ADARB1: variants seen among roughly 807,000 people sequenced by gnomAD.
ADARB1 encodes the protein double-stranded RNA-specific editase 1.
ADARB1 carries 10 observed loss-of-function variants against 52.4 expected under a neutral mutation model. That is an observed-to-expected ratio of 0.19 (90% CI 0.12 to 0.32). ADARB1 has a LOEUF of 0.32. Among genes scored for constraint, ADARB1 ranks in the 10% least tolerant of loss-of-function variants. The pLI, the probability that ADARB1 is intolerant of heterozygous loss-of-function variation, is 1.00. For missense variants in ADARB1, 643 were observed against 922.3 expected, an observed-to-expected ratio of 0.70 and a Z score of 3.92; for synonymous variants, 349 against 371.1, an observed-to-expected ratio of 0.94 and a Z score of 0.68.
intron 9 of ADARB1, among the ~76,000 whole-genome samples, chr21:45,213,760 C>G (rs1392003679): frequency 2.0e-5 from 3 of 147,616 alleles, no homozygotes; most frequent in Admixed American, 6.6e-5. Context: ...TAGCATTGCA[C>G]TGGGTGGATA....
At position 45,197,414 on chromosome 21, in the gene ADARB1, C is replaced by T. The variant is rs186336685; in HGVS notation, c.1566-7141C>T. On this transcript the variant is annotated intron_variant, in intron 8 of 10. Coordinates refer to ENST00000348831, the MANE Select transcript of ADARB1 (RefSeq NM_001112.4). ...ACTCAGGAGGCTGAGGCAGGAGTAT[C>T]GCTTAAACCTGGGAGGTAGAGGTTG... Among the ~76,000 whole-genome samples, 315 of 151,688 alleles carry T rather than the reference C, an allele frequency of 2.1e-3. 2 individuals carry two copies. Among genetic ancestry groups the T allele is most frequent in the African/African-American group, 6.8e-3 (281 of 41,284 alleles).
intron 2 of ADARB1, among the ~76,000 whole-genome samples, chr21:45,162,811 C>T (rs2091045466): frequency 6.6e-6 from 1 of 152,252 alleles, no homozygotes; most frequent in African/African-American, 2.4e-5. Flanking sequence ...CAGCACCAGA[C>T]ACTTCAGACC....
At chr21:45,134,478 G>T (rs965911998) in intron 2 of ADARB1, among the ~76,000 whole-genome samples, 1 of 151,750 alleles carries the variant, frequency 6.6e-6, no homozygotes, top group Non-Finnish European at 1.5e-5. Flanking sequence ...GTGAGCGCCC[G>T]GCAGGGGTAC....
At chr21:45,211,702 A>G (rs1401806170) in intron 9 of ADARB1, among the ~76,000 whole-genome samples, 1 of 152,204 alleles carries the variant, frequency 6.6e-6, no homozygotes, top group Non-Finnish European at 1.5e-5. Flanking sequence ...AAAAGTTCTG[A>G]TTCAGCACAC....
chr21:45,076,238 T>C (rs538830086), intron 1 of ADARB1, among the ~76,000 whole-genome samples: 3 of 152,334 alleles, frequency 2.0e-5, no homozygotes, highest in African/African-American at 7.2e-5. Context: ...CCTTCTTGGA[T>C]AAGAGAATTA....
chr21:45,084,240 G>T (rs2086256005), intron 1 of ADARB1, among the ~76,000 whole-genome samples: 1 of 152,178 alleles, frequency 6.6e-6, no homozygotes, highest in Non-Finnish European at 1.5e-5. Flanking sequence ...TCATTCAGTT[G>T]TCCAATAAAT....
rs943111469 is a variant in ADARB1 at position 45,103,194 on chromosome 21, G to A, written c.-219-25208G>A. On this transcript the variant is annotated intron_variant, in intron 1 of 10. Coordinates refer to ENST00000348831, the MANE Select transcript of ADARB1 (RefSeq NM_001112.4). ...GGGATCCTGGACGACTGAATCTGAC[G>A]AAAGTGTGGATTTCAGTTAATAACA... Among the ~76,000 whole-genome samples the A allele has an allele frequency of 9.3e-4, 141 of 152,232 alleles. 1 individual carries two copies. Among genetic ancestry groups the A allele is most frequent in the African/African-American group, 3.1e-3 (130 of 41,514 alleles).
intron 1 of ADARB1, among the ~76,000 whole-genome samples, chr21:45,105,617 A>G (rs568223051): frequency 6.6e-6 from 1 of 152,348 alleles, no homozygotes; most frequent in African/African-American, 2.4e-5. Context: ...ATAAGGAATT[A>G]TTTTGAACAC....
chr21:45,169,703 A>G (rs1163339277), intron 2 of ADARB1, among the ~76,000 whole-genome samples: 2 of 152,250 alleles, frequency 1.3e-5, no homozygotes, highest in Non-Finnish European at 2.9e-5. Flanking sequence ...GTTTCAGCCA[A>G]TAAGAACAGA....
rs1423743665 is a variant in ADARB1 at position 45,167,200 on chromosome 21, G to A, written c.-47-4410G>A. On this transcript the variant is annotated intron_variant, in intron 2 of 10. Coordinates refer to ENST00000348831, the MANE Select transcript of ADARB1 (RefSeq NM_001112.4). ...ACTCGGCATGACTATTTTCTACTGC[G>A]AGACATTTTCCATGTCCTTTTAAAA... is the stretch of plus-strand genomic sequence containing the variant. 5.3e-5 allele frequency among the ~76,000 whole-genome samples: 8 copies of A among 152,314 alleles called. No individual in the cohort carries two copies. The South Asian group carries it at 8.3e-4, about 16-fold the overall frequency.
intron 1 of ADARB1, among the ~76,000 whole-genome samples, chr21:45,087,889 ATAG>A (rs1424346167): frequency 2.0e-5 from 3 of 152,178 alleles, no homozygotes; most frequent in East Asian, 3.9e-4. Flanking sequence ...ACTGTACAAA[ATAG>A]TAGTAAATTT....
At position 45,187,325 on chromosome 21, in the gene ADARB1, G is replaced by C. The variant is rs938883307; in HGVS notation, c.1565+2234G>C. ...TCCCTTTTCAGATCATTCATTGTTAGTGCATGGAAATGCAACTGATTTTTG... is the reference window on the plus strand; with the variant it reads ...TCCCTTTTCAGATCATTCATTGTTACTGCATGGAAATGCAACTGATTTTTG... On this transcript the variant is annotated intron_variant, in intron 8 of 10. Coordinates refer to ENST00000348831, the MANE Select transcript of ADARB1 (RefSeq NM_001112.4). 2.6e-5 allele frequency among the ~76,000 whole-genome samples: 4 copies of C among 152,196 alleles called. 1 individual carries two copies. The highest frequency in any genetic ancestry group is 3.4e-3 in the Middle Eastern group (1 of 294).
rs574681128 is a variant in ADARB1 at position 45,179,142 on chromosome 21, C to T, written c.964-1188C>T. ...TTCCCTCTGGCACCCTGGCCACGTC[C>T]TGTGTTTCTGTCACAGCCTCAGTTC... is the stretch of plus-strand genomic sequence containing the variant. On this transcript the variant is annotated intron_variant, in intron 4 of 10. Coordinates refer to ENST00000348831, the MANE Select transcript of ADARB1 (RefSeq NM_001112.4). Among the ~76,000 whole-genome samples the T allele has an allele frequency of 1.2e-4, 19 of 152,308 alleles. No individual in the cohort carries two copies. In the East Asian group the frequency reaches 3.7e-3, roughly 29 times the overall value.
At chr21:45,161,151 A>G (rs2090940964) in intron 2 of ADARB1, among the ~76,000 whole-genome samples, 2 of 152,144 alleles carry the variant, frequency 1.3e-5, no homozygotes, top group Admixed American at 1.3e-4. Flanking sequence ...CCGTGGTGTC[A>G]GCTGCAGCGG....
chr21:45,186,152 A>G (rs1440842802), intron 8 of ADARB1, among the ~76,000 whole-genome samples: 3 of 152,202 alleles, frequency 2.0e-5, no homozygotes, highest in East Asian at 3.8e-4. Flanking sequence ...CAATAGAATT[A>G]TTTGGAGTAT....
intron 8 of ADARB1, among the ~76,000 whole-genome samples, chr21:45,197,576 A>T (rs984028313): frequency 6.6e-6 from 1 of 152,208 alleles, no homozygotes; most frequent in Admixed American, 6.5e-5. Flanking sequence ...TACCAAAGAG[A>T]AATGAAAGCG....
intron 8 of ADARB1, among the ~76,000 whole-genome samples, chr21:45,189,908 A>G (rs1369464766): frequency 1.3e-5 from 2 of 152,258 alleles, no homozygotes; most frequent in Admixed American, 6.5e-5. Flanking sequence ...TTTGATTAAA[A>G]TGTGTCTTAG....
chr21:45,078,801 T>TA lies in ADARB1; in HGVS notation c.-220+4009dup, dbSNP rs967318773. On this transcript the variant is annotated intron_variant, in intron 1 of 10. Transcript: ENST00000348831. ...CATGATCTGATTTATCTTTAAAAAG[T>TA]ACCACTCTGGCTGTTGGGCTTACAA... 1.9e-4 allele frequency among the ~76,000 whole-genome samples: 29 copies of TA among 152,230 alleles called. 1 individual carries two copies. The highest frequency in any genetic ancestry group is 1.8e-3 in the Admixed American group (27 of 15,286).
intron 8 of ADARB1, among the ~76,000 whole-genome samples, chr21:45,194,879 T>C (rs1442141945): frequency 6.6e-6 from 1 of 152,234 alleles, no homozygotes; most frequent in African/African-American, 2.4e-5. Flanking sequence ...GCTATAAATA[T>C]CTGTGTGCAG....
Sources: allele counts gnomAD v4.1 joint callset (sites outside exome capture counted in the v4.1 genomes callset), GRCh38; gene constraint gnomAD v4.1.1; transcripts MANE v1.5; gene names NCBI Gene and HGNC (gene_info 2026-07-23, HGNC 2026-07-21).